Variants in ARID5B observed in about 807,000 individuals in gnomAD.
The protein encoded by ARID5B is AT-rich interactive domain-containing protein 5B.
Under a neutral mutation model 97.2 loss-of-function variants are expected in ARID5B, and 13 were observed. That is an observed-to-expected ratio of 0.13 (90% CI 0.09 to 0.21). ARID5B has a LOEUF of 0.21. Ranked by LOEUF, ARID5B falls within the 10% of genes least tolerant of loss-of-function variation. The pLI is 1.00. For synonymous variants in ARID5B, 556 were observed against 570.3 expected (o/e 0.97, Z 0.36); for missense variants, 1,210 against 1,465.3 (o/e 0.83, Z 2.84).
chr10:62,032,435 T>C lies in ARID5B; in HGVS notation c.734-18453T>C, dbSNP rs977661767. Reference sequence around the variant, plus strand: ...AGACATCTGATGGCAGTTTAATATTTAGGCCGGGTGTGGTGAGTCACGCCT... The same window carrying C: ...AGACATCTGATGGCAGTTTAATATTCAGGCCGGGTGTGGTGAGTCACGCCT... On this transcript the variant is annotated intron_variant, in intron 4 of 9. Coordinates refer to ENST00000279873, the MANE Select transcript of ARID5B (RefSeq NM_032199.3). Among the ~76,000 whole-genome samples the C allele has an allele frequency of 6.6e-5, 10 of 152,322 alleles. No individual in the cohort carries two copies. In the East Asian group the frequency reaches 1.3e-3, roughly 21 times the overall value.
At chr10:61,966,877 A>T (rs1384747519) in intron 3 of ARID5B, among the ~76,000 whole-genome samples, 5 of 152,164 alleles carry the variant, frequency 3.3e-5, no homozygotes, top group Non-Finnish European at 7.4e-5. Flanking sequence ...TATGTTGTGT[A>T]ACCAATGTGG....
At chr10:61,992,099 A>G (rs1838933854) in intron 3 of ARID5B, among the ~76,000 whole-genome samples, 1 of 152,194 alleles carries the variant, frequency 6.6e-6, no homozygotes, top group African/African-American at 2.4e-5. Flanking sequence ...AAGCAAGTTA[A>G]GGTAAGTCAG....
chr10:62,029,622 G>A (rs1839468902), intron 4 of ARID5B, among the ~76,000 whole-genome samples: 1 of 152,180 alleles, frequency 6.6e-6, no homozygotes, highest in Admixed American at 6.5e-5. Context: ...TTGTCTGTAG[G>A]AACCACAGAG....
intron 7 of ARID5B, 93 bp from the exon 8 acceptor site, chr10:62,069,607 A>ACTGTTCTGGAAACCCAGAACAGT: frequency 8.8e-7 from 1 of 1,131,924 alleles, no homozygotes; most frequent in Non-Finnish European, 1.3e-6. Context: ...TCCAGAACAG[A>ACTGTTCTGGAAACCCAGAACAGT]CTGTTCTCTT....
chr10:62,038,566 G>A (rs1220795590), intron 4 of ARID5B, among the ~76,000 whole-genome samples: 2 of 151,738 alleles, frequency 1.3e-5, no homozygotes, highest in African/African-American at 4.8e-5. Context: ...CACATATATA[G>A]CAGCTATGGT....
At chr10:62,023,314 TC>T (rs1839379405) in intron 4 of ARID5B, among the ~76,000 whole-genome samples, 1 of 152,220 alleles carries the variant, frequency 6.6e-6, no homozygotes, top group African/African-American at 2.4e-5. Flanking sequence ...CCATATTGCC[TC>T]CTTTGGCCAT....
intron 2 of ARID5B, among the ~76,000 whole-genome samples, chr10:61,912,918 C>A (rs1843833235): frequency 6.6e-6 from 1 of 152,158 alleles, no homozygotes; most frequent in African/African-American, 2.4e-5. Flanking sequence ...TTGGTTTTTG[C>A]TTGCCATTAT....
chr10:61,995,708 T>C (rs1276751268), intron 3 of ARID5B, among the ~76,000 whole-genome samples: 1 of 152,222 alleles, frequency 6.6e-6, no homozygotes, highest in African/African-American at 2.4e-5. Flanking sequence ...CAGACTGTTT[T>C]ACTCAGTGAA....
chr10:61,963,774 T>A (rs181581714), intron 3 of ARID5B, among the ~76,000 whole-genome samples: 154 of 152,158 alleles, frequency 1.0e-3, no homozygotes, highest in African/African-American at 3.7e-3. Context: ...CTTTGATTAC[T>A]GTCATTACTC....
intron 3 of ARID5B, among the ~76,000 whole-genome samples, chr10:61,998,305 C>T (rs939209730): frequency 6.6e-6 from 1 of 152,170 alleles, no homozygotes; most frequent in African/African-American, 2.4e-5. Flanking sequence ...ATGATAATGT[C>T]GGTATCCTTA....
intron 7 of ARID5B, among the ~76,000 whole-genome samples, chr10:62,065,093 C>T (rs1305697374): frequency 1.3e-5 from 2 of 152,080 alleles, no homozygotes; most frequent in African/African-American, 4.8e-5. Flanking sequence ...GGTTTGAAAC[C>T]CACTATATTT....
chr10:61,924,068 A>G (rs147277851), intron 2 of ARID5B, among the ~76,000 whole-genome samples: 108 of 152,334 alleles, frequency 7.1e-4, no homozygotes, highest in African/African-American at 2.6e-3. Context: ...TCATTCATTT[A>G]TTCATTCTTT....
chr10:61,910,541 G>A (rs1843784001), intron 2 of ARID5B, among the ~76,000 whole-genome samples: 2 of 152,192 alleles, frequency 1.3e-5, no homozygotes. Context: ...ACAAATCCAA[G>A]GATGCATTTT....
chr10:61,902,459 C>T (rs773688463), intron 2 of ARID5B, 46 bp downstream of exon 2: 4 of 1,602,868 alleles, frequency 2.5e-6, no homozygotes, highest in Non-Finnish European at 2.6e-6. Flanking sequence ...TTATTTTTCC[C>T]CCTAGTAATG....
intron 3 of ARID5B, among the ~76,000 whole-genome samples, chr10:61,949,287 TG>T (rs1838286817): frequency 6.6e-6 from 1 of 152,242 alleles, no homozygotes; most frequent in South Asian, 2.1e-4. Context: ...GTTTTTGTTT[TG>T]TTTTGTCTAT....
At chr10:61,948,380 A>ATTTTTTTTTTTTTTTT (rs71470784) in intron 3 of ARID5B, among the ~76,000 whole-genome samples, 18 of 86,190 alleles carry the variant, frequency 2.1e-4, no homozygotes, top group South Asian at 7.0e-4. Flanking sequence ...ACTTTAGGTA[A>ATTTTTTTTTTTTTTTT]TTTTTTTTTT....
chr10:61,997,634 C>T (rs1418882153), intron 3 of ARID5B, among the ~76,000 whole-genome samples: 2 of 152,200 alleles, frequency 1.3e-5, no homozygotes, highest in African/African-American at 4.8e-5. Context: ...TTTACAGGCA[C>T]AGTATTTACT....
At position 62,091,434 on chromosome 10, in the gene ARID5B, C is replaced by A; in HGVS notation, c.1971C>A (p.Phe657Leu). ...TTGTGGTCCAGTCGTTTGACATGTT[C>A]AAAGACAAAGACCTGACTGGGCCCA... ...KVLVVQSFDMFKDKDLTGPMN... is the reference protein window; with the variant it reads ...KVLVVQSFDMLKDKDLTGPMN... The change falls in exon 10 of 10, where the codon TTC becomes TTA. Residue 657 changes from phenylalanine (F) to leucine (L), a missense_variant. This residue lies in a region of ARID5B where 800 missense variants were observed against 839.1 expected (regional missense o/e 0.95). Coordinates refer to ENST00000279873, the MANE Select transcript of ARID5B (RefSeq NM_032199.3). 1.2e-6 allele frequency: 2 copies of A among 1,611,936 alleles called. No individual in the cohort carries two copies. Among genetic ancestry groups the A allele is most frequent in the African/African-American group, 2.7e-5 (2 of 74,974 alleles).
chr10:61,971,638 C>G (rs1838629063), intron 3 of ARID5B, among the ~76,000 whole-genome samples: 1 of 152,208 alleles, frequency 6.6e-6, no homozygotes, highest in Non-Finnish European at 1.5e-5. Context: ...AATGAACCTT[C>G]ATGTAAACTG....
Sources: gnomAD v4.1 joint callset for allele counts (sites outside exome capture counted in the v4.1 genomes callset) on GRCh38, gnomAD v4.1.1 for gene constraint, gnomAD v4.1.1 regional missense constraint, MANE v1.5 for transcripts, NCBI Gene and HGNC (gene_info 2026-07-23, HGNC 2026-07-21) for gene names.